PCDH7: variants seen among roughly 807,000 people sequenced by gnomAD.
PCDH7 encodes the protein protocadherin 7.
PCDH7 carries 17 observed loss-of-function variants against 58.9 expected under a neutral mutation model. The observed-to-expected ratio is 0.29, with a 90% CI of 0.20 to 0.43. PCDH7 has a LOEUF of 0.43. Ranked by LOEUF, PCDH7 falls within the 20% of genes least tolerant of loss-of-function variation. The pLI, the probability that PCDH7 is intolerant of heterozygous loss-of-function variation, is 1.00. For missense variants in PCDH7, 1,274 were observed against 1,441.0 expected, an observed-to-expected ratio of 0.88 and a Z score of 1.88; for synonymous variants, 664 against 616.4, an observed-to-expected ratio of 1.08 and a Z score of -1.14.
At chr4:30,792,522 G>A (rs1358711659) in intron 1 of PCDH7, among the ~76,000 whole-genome samples, 1 of 152,024 alleles carries the variant, frequency 6.6e-6, no homozygotes, top group Non-Finnish European at 1.5e-5. Context: ...ATCTTAAGCT[G>A]CTTTTTTTGA....
chr4:30,982,184 T>A (rs1009134027), intron 3 of PCDH7, among the ~76,000 whole-genome samples: 8 of 152,150 alleles, frequency 5.3e-5, no homozygotes, highest in Non-Finnish European at 8.8e-5. Flanking sequence ...ATATATAATT[T>A]TTGTGGATTT....
chr4:31,072,848 G>A (rs542885655), intron 3 of PCDH7, among the ~76,000 whole-genome samples: 9 of 152,164 alleles, frequency 5.9e-5, no homozygotes, highest in South Asian at 2.1e-4. Flanking sequence ...CTAGAAAAAC[G>A]TTCAGAAATG....
chr4:31,030,607 A>G (rs1578605255), intron 3 of PCDH7, among the ~76,000 whole-genome samples: 1 of 152,202 alleles, frequency 6.6e-6, no homozygotes, highest in East Asian at 1.9e-4. Flanking sequence ...AGAAAAAAAG[A>G]CTGAAAGTTT....
chr4:30,792,788 G>GT (rs1017266245), intron 1 of PCDH7, among the ~76,000 whole-genome samples: 1 of 152,034 alleles, frequency 6.6e-6, no homozygotes, highest in African/African-American at 2.4e-5. Flanking sequence ...GTCAGCATGA[G>GT]TTTTTTCTCC....
At chr4:31,041,522 G>T (rs1352536537) in intron 3 of PCDH7, among the ~76,000 whole-genome samples, 1 of 152,042 alleles carries the variant, frequency 6.6e-6, no homozygotes, top group Admixed American at 6.6e-5. Context: ...TGGAAGTCAT[G>T]CAATTCTAAG....
chr4:31,057,109 A>G (rs1008933643), intron 3 of PCDH7, among the ~76,000 whole-genome samples: 1 of 152,214 alleles, frequency 6.6e-6, no homozygotes, highest in Non-Finnish European at 1.5e-5. Context: ...TATTAGAAAT[A>G]TTTGTAAACC....
Position 30,946,609 on chromosome 4 carries a change from C to T in PCDH7, c.288-3511C>T, listed in dbSNP as rs560708883. 2.0e-5 allele frequency among the ~76,000 whole-genome samples: 3 copies of T among 152,044 alleles called. No individual in the cohort carries two copies. In the East Asian group the frequency reaches 5.8e-4, roughly 29 times the overall value. On this transcript the variant is annotated intron_variant, in intron 2 of 3. Coordinates refer to the PCDH7 transcript ENST00000509759. Reference sequence around the variant, plus strand: ...CTATCCAGTCTGTGAAAAGCAGTCTCTCTCTTGTGAATAACATTTACTCCT... The same window carrying T: ...CTATCCAGTCTGTGAAAAGCAGTCTTTCTCTTGTGAATAACATTTACTCCT...
chr4:30,958,837 TTTAAGA>T (rs1222546296), intron 3 of PCDH7, among the ~76,000 whole-genome samples: 19 of 152,138 alleles, frequency 1.2e-4, no homozygotes, highest in African/African-American at 3.4e-4. Flanking sequence ...TTATTATAAA[TTTAAGA>T]TTAAGTTTTT....
intron 1 of PCDH7, among the ~76,000 whole-genome samples, chr4:30,771,430 A>G (rs1017728221): frequency 6.6e-6 from 1 of 152,164 alleles, no homozygotes; most frequent in African/African-American, 2.4e-5. Context: ...ATTTGATTCT[A>G]GGATCTGGGT....
intron 3 of PCDH7, among the ~76,000 whole-genome samples, chr4:30,962,320 G>A (rs1748510946): frequency 6.6e-6 from 1 of 152,140 alleles, no homozygotes; most frequent in Non-Finnish European, 1.5e-5. Flanking sequence ...AGTTATTACA[G>A]AGCACATGCC....
At chr4:30,945,190 T>C (rs1397619570) in intron 2 of PCDH7, among the ~76,000 whole-genome samples, 1 of 152,108 alleles carries the variant, frequency 6.6e-6, no homozygotes, top group Non-Finnish European at 1.5e-5. Context: ...ATGTATTTAC[T>C]CTAGATTTAA....
intron 3 of PCDH7, among the ~76,000 whole-genome samples, chr4:31,050,028 A>G (rs1756610890): frequency 6.6e-6 from 1 of 152,118 alleles, no homozygotes; most frequent in Non-Finnish European, 1.5e-5. Flanking sequence ...TGTCTACTTT[A>G]TTGGTCAATA....
intron 2 of PCDH7, among the ~76,000 whole-genome samples, chr4:30,948,061 T>A (rs1746922431): frequency 6.8e-6 from 1 of 145,998 alleles, no homozygotes; most frequent in African/African-American, 2.7e-5. Context: ...CTCTGCTATT[T>A]ATGAAATCAT....
At chr4:30,763,745 G>A (rs942234805) in intron 1 of PCDH7, among the ~76,000 whole-genome samples, 4 of 152,280 alleles carry the variant, frequency 2.6e-5, no homozygotes, top group East Asian at 1.9e-4. Flanking sequence ...AAGAGAAAAA[G>A]GAAGATTACA....
rs554508946 is a variant in PCDH7 at position 30,772,573 on chromosome 4, A to G, written c.70+47977A>G. ...GAGAAACTCTGGCTCAGCTTGGTTAAGAGTTGACTCTTCATTCCATCTGCC... is the reference window on the plus strand; with the variant it reads ...GAGAAACTCTGGCTCAGCTTGGTTAGGAGTTGACTCTTCATTCCATCTGCC... On this transcript the variant is annotated intron_variant, in intron 1 of 3. Transcript: ENST00000509759. Among the ~76,000 whole-genome samples the G allele has an allele frequency of 2.0e-5, 3 of 152,328 alleles. No homozygotes were observed. The East Asian group carries it at 5.8e-4, about 29-fold the overall frequency.
intron 2 of PCDH7, among the ~76,000 whole-genome samples, chr4:30,926,156 GATAA>G (rs1410913230): frequency 6.7e-6 from 1 of 150,290 alleles, no homozygotes; most frequent in Non-Finnish European, 1.5e-5. Flanking sequence ...AAATAACAAT[GATAA>G]ATAGTTGGGA....
chr4:30,731,795 T>TG (rs1715537988), exon 2 of PCDH7: 1 of 152,190 alleles, frequency 6.6e-6, no homozygotes, highest in South Asian at 2.1e-4. Flanking sequence ...GTCCTCTGGA[T>TG]GGCCCCTCTA....
intron 3 of PCDH7, among the ~76,000 whole-genome samples, chr4:31,063,740 A>G (rs1219988333): frequency 6.6e-6 from 1 of 151,960 alleles, no homozygotes; most frequent in Non-Finnish European, 1.5e-5. Context: ...GCCTCATTCT[A>G]TAGAGTATAA....
chr4:30,788,204 C>T (rs1367128720), intron 1 of PCDH7, among the ~76,000 whole-genome samples: 1 of 152,064 alleles, frequency 6.6e-6, no homozygotes, highest in African/African-American at 2.4e-5. Context: ...TGCTTTCCCC[C>T]ACTTTTCTTC....
Sources: gnomAD v4.1 joint callset for allele counts (sites outside exome capture counted in the v4.1 genomes callset) on GRCh38, gnomAD v4.1.1 for gene constraint, MANE v1.5 for transcripts, NCBI Gene and HGNC (gene_info 2026-07-23, HGNC 2026-07-21) for gene names.